TRAPPC9: variants seen among roughly 807,000 people sequenced by gnomAD.
TRAPPC9 encodes the protein IKK2 binding protein.
A neutral mutation model predicts 124.0 loss-of-function variants in TRAPPC9; 83 were observed. That is an observed-to-expected ratio of 0.67 (90% CI 0.56 to 0.80). The LOEUF is 0.80. TRAPPC9 is among the 30% of genes least tolerant of loss of function. The pLI is 0.00. For synonymous variants in TRAPPC9, 638 were observed against 617.5 expected, an observed-to-expected ratio of 1.03 and a Z score of -0.49; for missense variants, 1,302 against 1,508.3, an observed-to-expected ratio of 0.86 and a Z score of 2.27.
chr8:139,873,550 G>A (rs903027249), intron 21 of TRAPPC9, among the ~76,000 whole-genome samples: 2 of 152,164 alleles, frequency 1.3e-5, no homozygotes, highest in African/African-American at 4.8e-5. Flanking sequence ...GCCAGGCAGA[G>A]CACCTCCTCT....
chr8:140,434,911 G>C (rs2070758598), intron 4 of TRAPPC9, among the ~76,000 whole-genome samples: 1 of 151,860 alleles, frequency 6.6e-6, no homozygotes, highest in African/African-American at 2.4e-5. Context: ...TGGAGGCTGT[G>C]GTGAGCCGAG....
At chr8:139,894,466 G>A (rs568577612) in intron 20 of TRAPPC9, among the ~76,000 whole-genome samples, 10 of 152,254 alleles carry the variant, frequency 6.6e-5, no homozygotes, top group African/African-American at 1.2e-4. Context: ...CCACTGCTGC[G>A]GTGCCCTGAG....
At chr8:139,939,061 C>G (rs1418785203) in intron 19 of TRAPPC9, among the ~76,000 whole-genome samples, 1 of 152,220 alleles carries the variant, frequency 6.6e-6, no homozygotes, top group Non-Finnish European at 1.5e-5. Flanking sequence ...GGAATGCCCA[C>G]TGTTCTCCAG....
At chr8:140,290,939 T>A in intron 12 of TRAPPC9, 54 bp downstream of exon 12, 2 of 1,432,050 alleles carry the variant, frequency 1.4e-6, no homozygotes, top group South Asian at 2.3e-5. Flanking sequence ...AAACCTACTT[T>A]AATGAGAAGT....
intron 15 of TRAPPC9, among the ~76,000 whole-genome samples, chr8:140,274,212 G>C (rs2065046403): frequency 6.7e-6 from 1 of 150,318 alleles, no homozygotes; most frequent in African/African-American, 2.5e-5. Context: ...GCACTGAAAG[G>C]AAAAAGGAAA....
Position 140,104,093 on chromosome 8 carries a change from G to T in TRAPPC9, c.2557-80014C>A, listed in dbSNP as rs77951658. Among the ~76,000 whole-genome samples, 462 of 152,306 alleles carry T rather than the reference G, an allele frequency of 3.0e-3. 6 individuals are homozygous for T. The highest frequency in any genetic ancestry group is 0.011 in the African/African-American group (440 of 41,554). On this transcript the variant is annotated intron_variant, in intron 17 of 22. Transcript: ENST00000438773. This position sits in a 1 kb window ranked among gnomAD's most constrained non-coding sequence, Gnocchi z 4.0. ...TCAGCAGTTACTTAGCACTTATCCT[G>T]GGTACCAAGCATTGTACCATATGCC...
intron 20 of TRAPPC9, among the ~76,000 whole-genome samples, chr8:139,908,363 G>C (rs1831496259): frequency 1.3e-5 from 2 of 152,272 alleles, no homozygotes; most frequent in South Asian, 4.1e-4. Flanking sequence ...GAATCTCTGA[G>C]ACCCGAGTAA....
chr8:139,985,506 CA>C (rs1837187643), intron 19 of TRAPPC9, among the ~76,000 whole-genome samples: 1 of 152,206 alleles, frequency 6.6e-6, no homozygotes, highest in Admixed American at 6.5e-5. Flanking sequence ...GGTGCCGCAG[CA>C]TCCAGCCACA....
intron 17 of TRAPPC9, among the ~76,000 whole-genome samples, chr8:140,202,200 T>C (rs1357374911): frequency 6.7e-6 from 1 of 148,970 alleles, no homozygotes; most frequent in Non-Finnish European, 1.5e-5. Flanking sequence ...TTTCAAAGAT[T>C]AGTAAGTCAT....
At chr8:140,421,643 C>G (rs1474554095) in intron 5 of TRAPPC9, among the ~76,000 whole-genome samples, 1 of 152,108 alleles carries the variant, frequency 6.6e-6, no homozygotes, top group Non-Finnish European at 1.5e-5. Context: ...AGGCACTATG[C>G]CAGGCACTGT....
At chr8:140,259,922 A>T (rs1336769011) in intron 15 of TRAPPC9, among the ~76,000 whole-genome samples, 1 of 152,246 alleles carries the variant, frequency 6.6e-6, no homozygotes, top group Non-Finnish European at 1.5e-5. Flanking sequence ...GCTATGTGAA[A>T]AAAGCGGAAT....
intron 19 of TRAPPC9, among the ~76,000 whole-genome samples, chr8:139,971,722 T>TACAC (rs577564731): frequency 1.6e-4 from 19 of 115,964 alleles, no homozygotes; most frequent in Admixed American, 7.3e-4. Flanking sequence ...TATATATATA[T>TACAC]ACACACACAC....
chr8:139,755,837 G>A (rs1434021585), intron 21 of TRAPPC9, among the ~76,000 whole-genome samples: 20 of 132,628 alleles, frequency 1.5e-4, no homozygotes, highest in African/African-American at 5.5e-4. Flanking sequence ...GTCGCAGGAG[G>A]AGCCAGGGTT....
intron 19 of TRAPPC9, among the ~76,000 whole-genome samples, chr8:139,979,445 C>T (rs779931258): frequency 3.3e-5 from 5 of 152,156 alleles, no homozygotes; most frequent in African/African-American, 1.2e-4. Flanking sequence ...GGGTGCTGCT[C>T]GCAGACAGCT....
chr8:139,806,602 C>A (rs1824078466), intron 21 of TRAPPC9, among the ~76,000 whole-genome samples: 1 of 152,188 alleles, frequency 6.6e-6, no homozygotes, highest in Non-Finnish European at 1.5e-5. Flanking sequence ...TCAGCTGGGT[C>A]CGGCAGTAGC....
intron 21 of TRAPPC9, among the ~76,000 whole-genome samples, chr8:139,777,497 G>A (rs1461327823): frequency 6.6e-6 from 1 of 152,168 alleles, no homozygotes; most frequent in East Asian, 1.9e-4. Flanking sequence ...GTAGAGGCGA[G>A]GTCAACATTT....
intron 18 of TRAPPC9, chr8:140,008,683 A>AC (rs1838923860): frequency 1.3e-5 from 2 of 152,226 alleles, no homozygotes; most frequent in Non-Finnish European, 2.9e-5. Flanking sequence ...TGTTGTGACC[A>AC]CCTGCCACCT....
At chr8:139,997,032 C>T (rs1305201014) in intron 18 of TRAPPC9, among the ~76,000 whole-genome samples, 1 of 152,130 alleles carries the variant, frequency 6.6e-6, no homozygotes, top group African/African-American at 2.4e-5. Flanking sequence ...CAGGCGTGAG[C>T]CATCACGCCT....
chr8:140,141,048 T>C (rs561267264), intron 17 of TRAPPC9, among the ~76,000 whole-genome samples: 113 of 152,378 alleles, frequency 7.4e-4, no homozygotes, highest in African/African-American at 2.7e-3. Flanking sequence ...TACTTAACTA[T>C]AAGCAACTTG....
Sources: gnomAD v4.1 joint callset for allele counts (sites outside exome capture counted in the v4.1 genomes callset) on GRCh38, gnomAD v4.1.1 for gene constraint, Gnocchi (gnomAD v3.1) non-coding constraint, MANE v1.5 for transcripts, NCBI Gene and HGNC (gene_info 2026-07-23, HGNC 2026-07-21) for gene names.